Variants in MYO5B observed in about 807,000 individuals in gnomAD.
MYO5B encodes the protein unconventional myosin-Vb.
MYO5B carries 143 observed loss-of-function variants against 229.3 expected under a neutral mutation model. The observed-to-expected ratio is 0.62, with a 90% CI of 0.54 to 0.72. The LOEUF is 0.72. MYO5B is among the 30% of genes least tolerant of loss of function. MYO5B has a pLI of 0.00. For missense variants in MYO5B, 2,321 were observed against 2,331.0 expected, an observed-to-expected ratio of 1.00 and a Z score of 0.09; for synonymous variants, 918 against 885.2, an observed-to-expected ratio of 1.04 and a Z score of -0.66.
At chr18:49,977,932 T>C (rs1568056146) in intron 9 of MYO5B, among the ~76,000 whole-genome samples, 1 of 152,336 alleles carries the variant, frequency 6.6e-6, no homozygotes, top group Non-Finnish European at 1.5e-5. Context: ...GTTAGCACAC[T>C]TGCCGTAAGT....
chr18:49,987,899 C>T (rs7237701), intron 7 of MYO5B, among the ~76,000 whole-genome samples: 2,327 of 152,132 alleles, frequency 0.015, 56 homozygotes, highest in African/African-American at 0.053. Flanking sequence ...CACAAAAGGG[C>T]CAGGAGATTA....
At chr18:50,017,681 T>A (rs1486909211) in intron 4 of MYO5B, among the ~76,000 whole-genome samples, 2 of 152,212 alleles carry the variant, frequency 1.3e-5, no homozygotes, top group Non-Finnish European at 2.9e-5. Context: ...AATAGTAGCT[T>A]TGTGAATTTT....
chr18:50,108,065 T>C (rs929870443), intron 1 of MYO5B, among the ~76,000 whole-genome samples: 9 of 152,122 alleles, frequency 5.9e-5, no homozygotes, highest in African/African-American at 1.9e-4. Flanking sequence ...TGCACCACCA[T>C]GCCTGGCTAA....
At chr18:49,880,208 CT>C (rs1009473907) in intron 23 of MYO5B, among the ~76,000 whole-genome samples, 162 bp downstream of exon 23, 3 of 152,170 alleles carry the variant, frequency 2.0e-5, no homozygotes, top group African/African-American at 7.2e-5. Flanking sequence ...GCCAAATGTC[CT>C]AGTGGGATCT....
At chr18:49,916,188 C>A (rs1045981644) in intron 17 of MYO5B, among the ~76,000 whole-genome samples, 3 of 152,248 alleles carry the variant, frequency 2.0e-5, no homozygotes, top group Non-Finnish European at 4.4e-5. Flanking sequence ...ATTGAAGCAT[C>A]ATTTAGCTGG....
chr18:49,846,633 C>T (rs1199047447), intron 33 of MYO5B, among the ~76,000 whole-genome samples: 1 of 152,196 alleles, frequency 6.6e-6, no homozygotes, highest in African/African-American at 2.4e-5. Context: ...CCTTGATCCA[C>T]TGCTTCCCAG....
At chr18:50,097,601 G>A in intron 1 of MYO5B, 1 of 215,306 alleles carries the variant, frequency 4.6e-6, no homozygotes, top group Non-Finnish European at 9.4e-6. Flanking sequence ...CTCTGCAGCA[G>A]CAGCAGAATG....
chr18:49,965,426 C>T (rs1194457503), intron 10 of MYO5B, among the ~76,000 whole-genome samples: 1 of 150,128 alleles, frequency 6.7e-6, no homozygotes, highest in Non-Finnish European at 1.5e-5. Flanking sequence ...CATTCACACA[C>T]ACTTCTTTTC....
intron 5 of MYO5B, among the ~76,000 whole-genome samples, chr18:49,994,885 G>A (rs7228145): frequency 0.93 from 142,269 of 152,318 alleles, 66,470 homozygotes; most frequent in East Asian, 0.99. Context: ...AGCATTTCCC[G>A]GACCTTCAAC....
intron 2 of MYO5B, among the ~76,000 whole-genome samples, chr18:50,047,216 C>T (rs1171761192): frequency 6.6e-6 from 1 of 151,974 alleles, no homozygotes; most frequent in East Asian, 1.9e-4. Context: ...TATCCAGAAT[C>T]TACAATGAAC....
At chr18:50,105,552 C>A (rs1019938709) in intron 1 of MYO5B, among the ~76,000 whole-genome samples, 3 of 152,078 alleles carry the variant, frequency 2.0e-5, no homozygotes, top group Admixed American at 2.0e-4. Flanking sequence ...TTCTTAGAAG[C>A]GGAACTATAG....
At chr18:49,902,952 A>G in intron 20 of MYO5B, 119 bp from the exon 21 acceptor site, 1 of 1,283,744 alleles carries the variant, frequency 7.8e-7, no homozygotes, top group South Asian at 1.3e-5. Flanking sequence ...TAGGAGTTAC[A>G]CAGACAATGT....
intron 1 of MYO5B, among the ~76,000 whole-genome samples, chr18:50,108,263 T>C (rs192425409): frequency 2.0e-5 from 3 of 152,332 alleles, no homozygotes; most frequent in South Asian, 2.1e-4. Flanking sequence ...TAACCACCTA[T>C]GTAAGAATCT....
At chr18:50,011,329 G>A (rs148329164) in intron 4 of MYO5B, among the ~76,000 whole-genome samples, 317 of 152,256 alleles carry the variant, frequency 2.1e-3, no homozygotes, top group African/African-American at 7.3e-3. Flanking sequence ...GCGACAGATC[G>A]TTCCTCACTT....
intron 1 of MYO5B, among the ~76,000 whole-genome samples, chr18:50,175,817 C>G (rs924713021): frequency 6.6e-6 from 1 of 152,258 alleles, no homozygotes; most frequent in Admixed American, 6.5e-5. Flanking sequence ...CACTTCTGCA[C>G]AGGCAGCCCA....
intron 14 of MYO5B, among the ~76,000 whole-genome samples, chr18:49,938,472 C>A (rs573846688): frequency 1.3e-5 from 2 of 152,112 alleles, no homozygotes; most frequent in South Asian, 2.1e-4. Context: ...GGAAAAGGAA[C>A]ATACAGGCCC....
intron 4 of MYO5B, among the ~76,000 whole-genome samples, chr18:50,032,264 A>G (rs1250251559): frequency 1.3e-5 from 2 of 152,204 alleles, no homozygotes; most frequent in Admixed American, 1.3e-4. Context: ...TTTTTAGTAC[A>G]TTTGCCAAAT....
chr18:50,131,136 G>C (rs2032248188), intron 1 of MYO5B, among the ~76,000 whole-genome samples: 1 of 152,154 alleles, frequency 6.6e-6, no homozygotes, highest in African/African-American at 2.4e-5. Flanking sequence ...CACTTTAAAA[G>C]CATTAAAGCC....
At chr18:49,957,201 T>C (rs1010475667) in intron 12 of MYO5B, among the ~76,000 whole-genome samples, 9 of 133,764 alleles carry the variant, frequency 6.7e-5, no homozygotes, top group Non-Finnish European at 1.3e-4. Context: ...AGTTCTGGGC[T>C]CCCTGAGCCC....
Sources: gnomAD v4.1 joint callset for allele counts (sites outside exome capture counted in the v4.1 genomes callset) on GRCh38, gnomAD v4.1.1 for gene constraint, MANE v1.5 for transcripts, NCBI Gene and HGNC (gene_info 2026-07-23, HGNC 2026-07-21) for gene names.